Variants in EPHB3 observed in about 807,000 individuals in gnomAD.
The protein encoded by EPHB3 is ephrin type-B receptor 3.
Under a neutral mutation model 100.2 loss-of-function variants are expected in EPHB3, and 33 were observed. The ratio of observed to expected loss-of-function variants is 0.33; its 90% CI spans 0.25 to 0.44. The LOEUF (loss-of-function observed/expected upper bound fraction) is 0.44. Among genes scored for constraint, EPHB3 ranks in the 20% least tolerant of loss-of-function variants. The pLI, the probability that EPHB3 is intolerant of heterozygous loss-of-function variation, is 1.00. For synonymous variants in EPHB3, 526 were observed against 554.7 expected, an observed-to-expected ratio of 0.95 and a Z score of 0.73; for missense variants, 1,045 against 1,378.3, an observed-to-expected ratio of 0.76 and a Z score of 3.83.
chr3:184,568,201 AG>A (rs1714444054), intron 1 of EPHB3, among the ~76,000 whole-genome samples: 1 of 152,086 alleles, frequency 6.6e-6, no homozygotes, highest in Non-Finnish European at 1.5e-5. Flanking sequence ...AACCTGAAAG[AG>A]GTATTGCTTA....
chr3:184,577,784 C>T lies in EPHB3; in HGVS notation c.1606C>T (p.Arg536Cys), dbSNP rs554953614. 29 of 1,607,778 alleles carry T rather than the reference C, an allele frequency of 1.8e-5. No homozygotes were observed. Among genetic ancestry groups the T allele is most frequent in the Middle Eastern group, 1.7e-4 (1 of 6,038 alleles). ...AGTAGCTGGCTATGGGCAGTACAGC[C>T]GCCCTGCCGAGTTTGAGACCACAAG... ...RTVAGYGQYS[R>C]PAEFETTSER... Residue 536 changes from arginine to cysteine, a missense_variant, in exon 7 of 16, where the codon CGC (arginine) becomes TGC (cysteine). This residue lies in a region of EPHB3 where 985 missense variants were observed against 1,331.1 expected (regional missense o/e 0.74). Coordinates refer to ENST00000330394, the MANE Select transcript of EPHB3 (RefSeq NM_004443.4). This position sits in a 1 kb window ranked among gnomAD's most constrained non-coding sequence, Gnocchi z 4.9.
At chr3:184,576,712 G>A (rs947309868) in intron 4 of EPHB3, 130 bp from the exon 5 acceptor site, 8 of 861,016 alleles carry the variant, frequency 9.3e-6, no homozygotes, top group Admixed American at 3.3e-5. Flanking sequence ...ATGTAGGAAC[G>A]TTATTCTGCT....
chr3:184,578,211 A>C lies in EPHB3; in HGVS notation c.1749-203A>C. 1 of 871,434 alleles carries C rather than the reference A, an allele frequency of 1.1e-6. No individual in the cohort carries two copies. The highest frequency in any genetic ancestry group is 3.4e-4 in the Middle Eastern group (1 of 2,980). 54.0% of individuals were successfully genotyped at this position (871,434 alleles called of 1,614,324 possible). Reference sequence around the variant, plus strand: ...CCTTTCTCCATACCCCATTCCCTGAATCTCCGGGCAGGTTCCCTAGGGACT... The same window carrying C: ...CCTTTCTCCATACCCCATTCCCTGACTCTCCGGGCAGGTTCCCTAGGGACT... On this transcript the variant is annotated intron_variant, in intron 8 of 15. Coordinates refer to ENST00000330394, the MANE Select transcript of EPHB3 (RefSeq NM_004443.4). The surrounding 1 kb of genome is among the most constrained non-coding windows in gnomAD (Gnocchi z 4.7).
chr3:184,572,821 G>C lies in EPHB3; in HGVS notation c.501G>C (p.Ser167=), dbSNP rs750195973. Residue 167 remains serine (S), a synonymous_variant, in exon 3 of 16, where the codon TCG becomes TCC. Coordinates refer to ENST00000330394, the MANE Select transcript of EPHB3 (RefSeq NM_004443.4). The surrounding 1 kb of genome is among the most constrained non-coding windows in gnomAD (Gnocchi z 6.6). The part of the protein sequence containing the change: ...VDTIAPDESF[S]RLDAGRVNTK... ...CCATTGCACCCGATGAGAGCTTCTCGCGGCTGGATGCCGGCCGTGTCAACA... is the reference window on the plus strand; with the variant it reads ...CCATTGCACCCGATGAGAGCTTCTCCCGGCTGGATGCCGGCCGTGTCAACA... 8.9e-6 allele frequency: 14 copies of C among 1,572,740 alleles called. No homozygotes were observed. In the African/African-American group the frequency reaches 1.6e-4, roughly 18 times the overall value.
Position 184,578,389 on chromosome 3 carries a change from T to C in EPHB3, c.1749-25T>C, listed in dbSNP as rs2108439302. 1.2e-6 allele frequency: 2 copies of C among 1,613,822 alleles called. No homozygotes were observed. Among genetic ancestry groups the C allele is most frequent in the Non-Finnish European group, 1.7e-6 (2 of 1,179,936 alleles). The stretch of plus-strand genomic sequence containing the variant: ...GGAGGCAGATGACTTGTCTCAGGCC[T>C]GCCCTCCACCCTGCCACCCTACAGG... On this transcript the variant is annotated intron_variant, in intron 8 of 15. Coordinates refer to ENST00000330394, the MANE Select transcript of EPHB3 (RefSeq NM_004443.4). The surrounding 1 kb of genome is among the most constrained non-coding windows in gnomAD (Gnocchi z 4.7).
intron 1 of EPHB3, among the ~76,000 whole-genome samples, chr3:184,566,815 C>T (rs530790503): frequency 6.6e-6 from 1 of 152,356 alleles, no homozygotes; most frequent in African/African-American, 2.4e-5. Flanking sequence ...AGCCTTGCTG[C>T]TTCTGTCTTT....
Position 184,562,382 on chromosome 3 carries a change from A to G in EPHB3, c.118+29A>G. On this transcript the variant is annotated intron_variant, in intron 1 of 15. Coordinates refer to ENST00000330394, the MANE Select transcript of EPHB3 (RefSeq NM_004443.4). This position sits in a 1 kb window ranked among gnomAD's most constrained non-coding sequence, Gnocchi z 4.8. Reference sequence around the variant, plus strand: ...AGCGGCGTCGGGGGGCGCGCCCGGGAACAAGGTGCCTGGGGTCGCGGGGCT... The same window carrying G: ...AGCGGCGTCGGGGGGCGCGCCCGGGGACAAGGTGCCTGGGGTCGCGGGGCT... The G allele has an allele frequency of 8.3e-7, 1 of 1,206,462 alleles. No homozygotes were observed. The allele number at this position is 1,206,462 out of a possible 1,614,324, so 74.7% of individuals were successfully genotyped here.
rs930562569 is a variant in EPHB3, at chr3:184,582,014, C to T, written c.*392C>T. On this transcript the variant is annotated 3_prime_UTR_variant, in exon 16 of 16. Coordinates refer to ENST00000330394, the MANE Select transcript of EPHB3 (RefSeq NM_004443.4). Reference sequence around the variant, plus strand: ...GCAGGGGTCTGGCCCCCCAGGTAGGCGGAGAGCAGTCCCTCCCTCAGGAAC... The same window carrying T: ...GCAGGGGTCTGGCCCCCCAGGTAGGTGGAGAGCAGTCCCTCCCTCAGGAAC... 18 of 174,280 alleles carry T rather than the reference C, an allele frequency of 1.0e-4. No individual in the cohort carries two copies. Among genetic ancestry groups the T allele is most frequent in the East Asian group, 6.5e-4 (4 of 6,196 alleles). 10.8% of individuals were successfully genotyped at this position (174,280 alleles called of 1,614,324 possible).
At position 184,575,827 on chromosome 3, in the gene EPHB3, C is replaced by A; in HGVS notation, c.857-3C>A. 1 of 1,595,818 alleles carries A rather than the reference C, an allele frequency of 6.3e-7. No homozygotes were observed. The highest frequency in any genetic ancestry group is 8.5e-7 in the Non-Finnish European group (1 of 1,171,116). Reference sequence around the variant, plus strand: ...GCCCCATTCATCCTCTTCTCTCCCACAGCCTGTCCCCCTGGGAGCTACAAG... The same window carrying A: ...GCCCCATTCATCCTCTTCTCTCCCAAAGCCTGTCCCCCTGGGAGCTACAAG... On this transcript the variant is annotated splice_polypyrimidine_tract_variant and splice_region_variant and intron_variant, in intron 3 of 15. Transcript: ENST00000330394.
At position 184,569,214 on chromosome 3, in the gene EPHB3, A is replaced by C. The variant is rs376314516; in HGVS notation, c.119-2104A>C. On this transcript the variant is annotated intron_variant, in intron 1 of 15. Coordinates refer to ENST00000330394, the MANE Select transcript of EPHB3 (RefSeq NM_004443.4). The surrounding 1 kb of genome is among the most constrained non-coding windows in gnomAD (Gnocchi z 5.4). ...GCGGACCGGCGGGCGGACCGGCGGG[A>C]GGACTGGCTGCGGGGGCAGGGCGCG... is the stretch of plus-strand genomic sequence containing the variant. Among the ~76,000 whole-genome samples, 12 of 112,984 alleles carry C rather than the reference A, an allele frequency of 1.1e-4. No homozygotes were observed. The highest frequency in any genetic ancestry group is 3.3e-4 in the East Asian group (1 of 3,050). The allele number at this position is 112,984 out of a possible 152,430, so 74.1% of individuals were successfully genotyped here.
chr3:184,581,441 AGGGGGCCCTAGGCT>A, intron 15 of EPHB3, 33 bp downstream of exon 15: 1 of 1,585,910 alleles, frequency 6.3e-7, no homozygotes, highest in Non-Finnish European at 8.6e-7. Flanking sequence ...GGAGCAGGGC[AGGGGGCCCTAGGCT>A]GGGCCCAGAG....
Position 184,562,277 on chromosome 3 carries a change from G to C in EPHB3, c.42G>C (p.Pro14=). The change falls in exon 1 of 16, where the codon CCG becomes CCC. Residue 14 remains proline (P), a synonymous_variant. Coordinates refer to ENST00000330394, the MANE Select transcript of EPHB3 (RefSeq NM_004443.4). This position sits in a 1 kb window ranked among gnomAD's most constrained non-coding sequence, Gnocchi z 4.8. ...CGCCGCCGCCGCCGTCGCCGCCGCC[G>C]GGGCTTCTGCCGCTGCTCCCTCCGC... The part of the protein sequence containing the change: ...ARPPPPPSPP[P]GLLPLLPPLL... The C allele has an allele frequency of 1.7e-6, 2 of 1,208,156 alleles. No homozygotes were observed. Among genetic ancestry groups the C allele is most frequent in the Admixed American group, 4.0e-5 (1 of 24,972 alleles). The allele number at this position is 1,208,156 out of a possible 1,614,324, so 74.8% of individuals were successfully genotyped here. A position where few individuals can be genotyped will look rare whatever the true frequency, so the allele number is the denominator to read the frequency against.
rs1714799633 is a variant in EPHB3 at position 184,580,792 on chromosome 3, G to A, written c.2452G>A (p.Ala818Thr). 5.6e-6 allele frequency: 9 copies of A among 1,614,216 alleles called. No homozygotes were observed. The highest frequency in any genetic ancestry group is 7.6e-6 in the Non-Finnish European group (9 of 1,180,040). ...CATAGCCTATCGGAAGTTCACTTCTGCTAGTGATGTCTGGAGCTACGGAAT... is the reference window on the plus strand; with the variant it reads ...CATAGCCTATCGGAAGTTCACTTCTACTAGTGATGTCTGGAGCTACGGAAT... ...EAIAYRKFTS[A>T]SDVWSYGIVM... The change falls in exon 13 of 16, where the codon GCT becomes ACT. Residue 818 changes from alanine (A) to threonine (T), a missense_variant. By Grantham distance (58) the Ala-to-Thr change is moderately conservative. Around this residue, in one of 2 missense-constraint regions of EPHB3, gnomAD observed 985 missense variants for 1,331.1 expected, o/e 0.74. Coordinates refer to ENST00000330394, the MANE Select transcript of EPHB3 (RefSeq NM_004443.4).
rs1283003428 is a variant in EPHB3 at position 184,565,367 on chromosome 3, T to C, written c.118+3014T>C. On this transcript the variant is annotated intron_variant, in intron 1 of 15. Transcript: ENST00000330394. The surrounding 1 kb of genome is among the most constrained non-coding windows in gnomAD (Gnocchi z 4.8). ...CAACGGGTCAGGGGGTGGGGTCCAA[T>C]GGGGAACAGACTAGGAATGGGGCCT... is the stretch of plus-strand genomic sequence containing the variant. Among the ~76,000 whole-genome samples the C allele has an allele frequency of 6.6e-6, 1 of 152,100 alleles. No individual in the cohort carries two copies. Among genetic ancestry groups the C allele is most frequent in the East Asian group, 1.9e-4 (1 of 5,188 alleles).
In EPHB3 at chr3:184,580,716, C is replaced by A; in HGVS notation, c.2389-13C>A. ...GGAGTCACAGGGTGAAGGGCCTGTG[C>A]CCCCCTCACCAGGGCGGGAAGATCC... On this transcript the variant is annotated splice_polypyrimidine_tract_variant and intron_variant, in intron 12 of 15. Coordinates refer to ENST00000330394, the MANE Select transcript of EPHB3 (RefSeq NM_004443.4). 1.2e-6 allele frequency: 2 copies of A among 1,612,908 alleles called. No homozygotes were observed. The highest frequency in any genetic ancestry group is 1.7e-6 in the Non-Finnish European group (2 of 1,179,398).
chr3:184,578,615 A>C lies in EPHB3; in HGVS notation c.1801+149A>C. 2.9e-6 allele frequency: 3 copies of C among 1,025,436 alleles called. No homozygotes were observed. The highest frequency in any genetic ancestry group is 1.6e-5 in the African/African-American group (1 of 62,988). The allele number at this position is 1,025,436 out of a possible 1,614,324, so 63.5% of individuals were successfully genotyped here. ...AGTCAAGTGGCATTTCCTGACCCCT[A>C]TCTCACTCCGGGTACCCTGGGCCCC... On this transcript the variant is annotated intron_variant, in intron 9 of 15. Coordinates refer to ENST00000330394, the MANE Select transcript of EPHB3 (RefSeq NM_004443.4). The surrounding 1 kb of genome is among the most constrained non-coding windows in gnomAD (Gnocchi z 4.7).
Position 184,565,056 on chromosome 3 carries a change from A to T in EPHB3, c.118+2703A>T, listed in dbSNP as rs117993487. On this transcript the variant is annotated intron_variant, in intron 1 of 15. Transcript: ENST00000330394. This position sits in a 1 kb window ranked among gnomAD's most constrained non-coding sequence, Gnocchi z 4.8. ...TGTACCCCCTAGTTAGATGCTGTCT[A>T]GCACCTGGTTCCTCTTCCCTTCCTG... Among the ~76,000 whole-genome samples, 236 of 152,018 alleles carry T rather than the reference A, an allele frequency of 1.6e-3. 5 individuals carry two copies. The East Asian group carries it at 0.042, about 27-fold the overall frequency.
chr3:184,568,114 G>A (rs924951237), intron 1 of EPHB3, among the ~76,000 whole-genome samples: 4 of 152,078 alleles, frequency 2.6e-5, no homozygotes, highest in African/African-American at 9.7e-5. Context: ...TGGATGCTGC[G>A]CGTGCATCTG....
rs1365571663 is a variant in EPHB3, at chr3:184,562,396, G to A, written c.118+43G>A. The A allele has an allele frequency of 5.9e-6, 7 of 1,196,486 alleles. No homozygotes were observed. Among genetic ancestry groups the A allele is most frequent in the Non-Finnish European group, 5.2e-6 (5 of 965,456 alleles). The allele number at this position is 1,196,486 out of a possible 1,614,324, so 74.1% of individuals were successfully genotyped here. A position where few individuals can be genotyped will look rare whatever the true frequency, so the allele number is the denominator to read the frequency against. Reference sequence around the variant, plus strand: ...GCGCGCCCGGGAACAAGGTGCCTGGGGTCGCGGGGCTGCGGGCTAGCAGCG... The same window carrying A: ...GCGCGCCCGGGAACAAGGTGCCTGGAGTCGCGGGGCTGCGGGCTAGCAGCG... On this transcript the variant is annotated intron_variant, in intron 1 of 15. Coordinates refer to ENST00000330394, the MANE Select transcript of EPHB3 (RefSeq NM_004443.4). This position sits in a 1 kb window ranked among gnomAD's most constrained non-coding sequence, Gnocchi z 4.8.
Sources: allele counts gnomAD v4.1 joint callset (sites outside exome capture counted in the v4.1 genomes callset), GRCh38; gene constraint gnomAD v4.1.1; regional missense constraint gnomAD v4.1.1; non-coding constraint Gnocchi (gnomAD v3.1); transcripts MANE v1.5; gene names NCBI Gene and HGNC (gene_info 2026-07-23, HGNC 2026-07-21).